Variants in CPNE7 observed in about 807,000 individuals in gnomAD.
The protein encoded by CPNE7 is copine 7.
In CPNE7, 78 loss-of-function variants were observed where a neutral mutation model predicts 66.5. That is an observed-to-expected ratio of 1.17 (90% confidence interval 0.98 to 1.42). The LOEUF (loss-of-function observed/expected upper bound fraction) is 1.42, where lower values mean the gene tolerates loss of function less well. Among genes scored for constraint, CPNE7 ranks in the 40% most tolerant of loss-of-function variants. The pLI, the probability that CPNE7 is intolerant of heterozygous loss-of-function variation, is 0.00. For missense variants in CPNE7, 1,012 were observed against 776.6 expected (o/e 1.30, Z -3.60); for synonymous variants, 468 against 336.7 (o/e 1.39, Z -4.27).
chr16:89,596,302 G>A (rs576041788), intron 14 of CPNE7, among the ~76,000 whole-genome samples, 182 bp from the exon 15 acceptor site: 2 of 152,354 alleles, frequency 1.3e-5, no homozygotes, highest in East Asian at 1.9e-4. Context: ...AAAGACCCAC[G>A]TGCAGCCTCA....
rs1447107841 is a variant in CPNE7, at chr16:89,596,823, G to A, written c.*202G>A. The A allele has an allele frequency of 3.9e-5, 22 of 560,062 alleles. No individual in the cohort carries two copies. Among genetic ancestry groups the A allele is most frequent in the Non-Finnish European group, 5.7e-5 (20 of 348,656 alleles). The allele number at this position is 560,062 out of a possible 1,614,324, so 34.7% of individuals were successfully genotyped here. A position where few individuals can be genotyped will look rare whatever the true frequency, so the allele number is the denominator to read the frequency against. On this transcript the variant is annotated 3_prime_UTR_variant, in exon 15 of 15. Coordinates refer to ENST00000319518, the MANE Select transcript of CPNE7 (RefSeq NM_153636.3). ...AAGGCCGAAGGGTGACAAAATACAG[G>A]CCCCCATGCCTGGCCCTGCCTGAGC... is the stretch of plus-strand genomic sequence containing the variant.
intron 11 of CPNE7, among the ~76,000 whole-genome samples, chr16:89,590,724 G>A (rs1368725874): frequency 7.1e-6 from 1 of 140,558 alleles, no homozygotes; most frequent in African/African-American, 2.7e-5. Context: ...ACCTCTCTCA[G>A]TAGGTGGGGG....
intron 2 of CPNE7, among the ~76,000 whole-genome samples, chr16:89,581,332 C>T (rs1278612784): frequency 6.6e-6 from 1 of 152,160 alleles, no homozygotes; most frequent in Non-Finnish European, 1.5e-5. Context: ...ATCCCATCAC[C>T]CGTCACACGG....
In CPNE7 at chr16:89,584,144, C is replaced by G; in HGVS notation, c.507+42C>G. 1 of 1,583,020 alleles carries G rather than the reference C, an allele frequency of 6.3e-7. No individual in the cohort carries two copies. Among genetic ancestry groups the G allele is most frequent in the Non-Finnish European group, 8.6e-7 (1 of 1,164,984 alleles). ...GGCACGCCTGGCTCAGGCTGAGGTC[C>G]GGGAACCGGTTCGAAAACCCGGTCC... On this transcript the variant is annotated intron_variant, in intron 4 of 14. Coordinates refer to ENST00000319518, the MANE Select transcript of CPNE7 (RefSeq NM_153636.3). This position sits in a 1 kb window ranked among gnomAD's most constrained non-coding sequence, Gnocchi z 6.0.
At chr16:89,593,870 G>A (rs1053305937) in intron 13 of CPNE7, among the ~76,000 whole-genome samples, 20 of 152,336 alleles carry the variant, frequency 1.3e-4, no homozygotes, top group East Asian at 5.8e-4. Flanking sequence ...GCGTTCAGCT[G>A]TTATGTTCCT....
intron 8 of CPNE7, 43 bp downstream of exon 8, chr16:89,586,799 G>A: frequency 6.6e-7 from 1 of 1,520,340 alleles, no homozygotes; most frequent in Non-Finnish European, 9.1e-7. Flanking sequence ...CCACAAGAGG[G>A]GCTTCCGCTG....
intron 1 of CPNE7, among the ~76,000 whole-genome samples, chr16:89,577,167 G>A (rs1293007189): frequency 6.6e-6 from 1 of 152,182 alleles, no homozygotes; most frequent in Non-Finnish European, 1.5e-5. Flanking sequence ...CCAGCCAGGA[G>A]GGAGGGCCCC....
intron 2 of CPNE7, among the ~76,000 whole-genome samples, chr16:89,580,839 A>ACGGAACATCCCGTCACCCG (rs2058944172): frequency 8.7e-6 from 1 of 114,914 alleles, no homozygotes. Context: ...CCCGTCACCC[A>ACGGAACATCCCGTCACCCG]TCACACGGAA....
intron 9 of CPNE7, 103 bp from the exon 10 acceptor site, chr16:89,588,572 T>A: frequency 6.8e-7 from 1 of 1,475,802 alleles, no homozygotes. Flanking sequence ...ACGCGACCCC[T>A]GACCCTGAGT....
At chr16:89,589,489 C>G (rs967248197) in intron 10 of CPNE7, among the ~76,000 whole-genome samples, 1 of 152,154 alleles carries the variant, frequency 6.6e-6, no homozygotes, top group Non-Finnish European at 1.5e-5. Context: ...GAGCTTCTTA[C>G]CACAACACAG....
At chr16:89,588,926 C>G (rs1567962880) in intron 10 of CPNE7, 118 bp downstream of exon 10, 1 of 1,276,788 alleles carries the variant, frequency 7.8e-7, no homozygotes, top group East Asian at 2.5e-5. Flanking sequence ...GTGCACCCGG[C>G]CGGTTTTCCC....
At position 89,593,358 on chromosome 16, in the gene CPNE7, AT is replaced by A. The variant is rs201847141; in HGVS notation, c.1303-1996del. Among the ~76,000 whole-genome samples the A allele has an allele frequency of 3.7e-3, 533 of 143,930 alleles. 5 individuals carry two copies. Among genetic ancestry groups the A allele is most frequent in the African/African-American group, 6.3e-3 (250 of 39,378 alleles). 94.4% of individuals were successfully genotyped at this position (143,930 alleles called of 152,430 possible). A position where few individuals can be genotyped will look rare whatever the true frequency, so the allele number is the denominator to read the frequency against. On this transcript the variant is annotated intron_variant, in intron 13 of 14. Coordinates refer to ENST00000319518, the MANE Select transcript of CPNE7 (RefSeq NM_153636.3). ...CAACATCACGGTTTTACCTCTTAAT[AT>A]TTTTTTTTTTTTGAGATGGAGTCTC...
chr16:89,591,297 G>T (rs911121595), intron 13 of CPNE7, 37 bp downstream of exon 13: 4 of 1,524,460 alleles, frequency 2.6e-6, no homozygotes, highest in Non-Finnish European at 1.8e-6. Flanking sequence ...GCTTGGTGTG[G>T]GGTCGGCTGT....
Position 89,586,675 on chromosome 16 carries a change from G to T in CPNE7, c.786G>T (p.Gln262His). ...MQKAFEEGQA[Q>H]WDCVNPKYKQ... ...TCTGCTTGTTCCTGCCCCAGGCCCA[G>T]TGGGACTGTGTGAACCCCAAATACA... is the stretch of plus-strand genomic sequence containing the variant. Residue 262 changes from glutamine to histidine, a missense_variant, in exon 8 of 15, where the codon CAG (glutamine) becomes CAT (histidine). Coordinates refer to ENST00000319518, the MANE Select transcript of CPNE7 (RefSeq NM_153636.3). 1.9e-6 allele frequency: 3 copies of T among 1,612,788 alleles called. No individual in the cohort carries two copies. The highest frequency in any genetic ancestry group is 2.2e-5 in the East Asian group (1 of 44,738).
Position 89,575,829 on chromosome 16 carries a change from C to T in CPNE7, c.-69C>T. ...TGGGCCGGCCACCATTTCCCGGGCG[C>T]CGCGGCGGCGCCGACTCGCGGGCAG... On this transcript the variant is annotated 5_prime_UTR_variant, in exon 1 of 15. Coordinates refer to ENST00000319518, the MANE Select transcript of CPNE7 (RefSeq NM_153636.3). 4 of 1,090,070 alleles carry T rather than the reference C, an allele frequency of 3.7e-6. No homozygotes were observed. In the South Asian group the frequency reaches 1.3e-4, roughly 37 times the overall value. The allele number at this position is 1,090,070 out of a possible 1,614,324, so 67.5% of individuals were successfully genotyped here.
intron 5 of CPNE7, among the ~76,000 whole-genome samples, chr16:89,585,209 C>T (rs1055001516): frequency 3.9e-5 from 6 of 152,234 alleles, no homozygotes; most frequent in South Asian, 2.1e-4. Context: ...AAGAGAGCAG[C>T]GCAGGTGGCT....
chr16:89,588,635 C>T lies in CPNE7; in HGVS notation c.928-40C>T, dbSNP rs200990205. 5 of 1,610,340 alleles carry T rather than the reference C, an allele frequency of 3.1e-6. No homozygotes were observed. In the South Asian group the frequency reaches 4.4e-5, roughly 14 times the overall value. On this transcript the variant is annotated intron_variant, in intron 9 of 14. Coordinates refer to ENST00000319518, the MANE Select transcript of CPNE7 (RefSeq NM_153636.3). Reference sequence around the variant, plus strand: ...ACCTGTCAGGAGCGGGTTCGGGGAGCCCCGGCCCAGCACAGCTCCTGGCTC... The same window carrying T: ...ACCTGTCAGGAGCGGGTTCGGGGAGTCCCGGCCCAGCACAGCTCCTGGCTC...
In CPNE7 at chr16:89,576,070, A is replaced by T; in HGVS notation, c.173A>T (p.Gln58Leu). The T allele has an allele frequency of 7.8e-7, 1 of 1,278,300 alleles. No individual in the cohort carries two copies. Among genetic ancestry groups the T allele is most frequent in the South Asian group, 2.5e-5 (1 of 40,448 alleles). 79.2% of individuals were successfully genotyped at this position (1,278,300 alleles called of 1,614,324 possible). A position where few individuals can be genotyped will look rare whatever the true frequency, so the allele number is the denominator to read the frequency against. Residue 58 changes from glutamine to leucine, a missense_variant and splice_region_variant, in exon 1 of 15, where the codon CAG becomes CTG. Coordinates refer to ENST00000319518, the MANE Select transcript of CPNE7 (RefSeq NM_153636.3). ...CAGCAGGCGCAGGGCCAGTGGGTGC[A>T]GGTAGGGCCGGGGCGTGGGAGGCCG... ...LLQQAQGQWV[Q>L]VGRTEVVRSS...
intron 13 of CPNE7, among the ~76,000 whole-genome samples, chr16:89,592,961 C>G (rs531259529): frequency 5.3e-5 from 8 of 150,898 alleles, no homozygotes; most frequent in Non-Finnish European, 1.0e-4. Context: ...TACAGGCGCC[C>G]GCCACCATAC....
Sources: allele counts gnomAD v4.1 joint callset (sites outside exome capture counted in the v4.1 genomes callset), GRCh38; gene constraint gnomAD v4.1.1; non-coding constraint Gnocchi (gnomAD v3.1); transcripts MANE v1.5; gene names NCBI Gene and HGNC (gene_info 2026-07-23, HGNC 2026-07-21).